KCNIP4: variants seen among roughly 807,000 people sequenced by gnomAD.
KCNIP4 encodes potassium voltage-gated channel interacting protein 4.
A neutral mutation model predicts 34.0 loss-of-function variants in KCNIP4; 12 were observed. The observed-to-expected ratio is 0.35, with a 90% CI of 0.23 to 0.57. The LOEUF is 0.57. Among genes scored for constraint, KCNIP4 ranks in the 20% least tolerant of loss-of-function variants. KCNIP4 has a pLI of 0.83. For missense variants in KCNIP4, 238 were observed against 311.7 expected, an observed-to-expected ratio of 0.76 and a Z score of 1.78; for synonymous variants, 124 against 102.2, an observed-to-expected ratio of 1.21 and a Z score of -1.29.
rs28765098 is a variant in KCNIP4 at position 21,200,365 on chromosome 4, T to C, written c.62-317656A>G. Among the ~76,000 whole-genome samples the C allele has an allele frequency of 1.5e-4, 14 of 95,178 alleles. 1 individual carries two copies. Among genetic ancestry groups the C allele is most frequent in the African/African-American group, 5.2e-4 (5 of 9,642 alleles). 62.4% of individuals were successfully genotyped at this position (95,178 alleles called of 152,430 possible). A position where few individuals can be genotyped will look rare whatever the true frequency, so the allele number is the denominator to read the frequency against. On this transcript the variant is annotated intron_variant, in intron 1 of 8. Transcript: ENST00000382152. The stretch of plus-strand genomic sequence containing the variant: ...ATACATATATGTGTGTATATATATA[T>C]ACATACATATATGTGTGTATATATA...
intron 1 of KCNIP4, among the ~76,000 whole-genome samples, chr4:20,982,593 G>A (rs560267084): frequency 2.0e-5 from 3 of 152,280 alleles, no homozygotes; most frequent in South Asian, 4.1e-4. Context: ...AAGAAGATAC[G>A]AAGATTACAA....
chr4:21,543,137 T>C (rs1577566212), intron 1 of KCNIP4, among the ~76,000 whole-genome samples: 2 of 152,074 alleles, frequency 1.3e-5, no homozygotes, highest in South Asian at 2.1e-4. Flanking sequence ...AGCTTTCCTA[T>C]TGACAATAAA....
At chr4:21,083,132 C>T (rs529842128) in intron 1 of KCNIP4, among the ~76,000 whole-genome samples, 1 of 151,846 alleles carries the variant, frequency 6.6e-6, no homozygotes, top group Non-Finnish European at 1.5e-5. Context: ...CTTCTTTTGT[C>T]TCTGTTTCTT....
chr4:21,743,652 A>T (rs1716575967), intron 1 of KCNIP4, among the ~76,000 whole-genome samples: 1 of 150,596 alleles, frequency 6.6e-6, no homozygotes, highest in Admixed American at 6.7e-5. Flanking sequence ...TTGTAGGGGG[A>T]GGGGGGAGAT....
At chr4:21,424,465 A>G (rs1461148733) in intron 1 of KCNIP4, among the ~76,000 whole-genome samples, 5 of 151,970 alleles carry the variant, frequency 3.3e-5, no homozygotes, top group Admixed American at 2.6e-4. Context: ...CCAGCTACTC[A>G]GGAGACTGAG....
intron 1 of KCNIP4, among the ~76,000 whole-genome samples, chr4:21,909,404 T>C (rs909300884): frequency 6.6e-6 from 1 of 152,066 alleles, no homozygotes; most frequent in Non-Finnish European, 1.5e-5. Flanking sequence ...TCACCTTGTC[T>C]TACACATCAC....
At chr4:21,033,591 T>C (rs1309777285) in intron 1 of KCNIP4, among the ~76,000 whole-genome samples, 1 of 152,094 alleles carries the variant, frequency 6.6e-6, no homozygotes, top group Non-Finnish European at 1.5e-5. Context: ...GTGAAAACCA[T>C]GAAAGTATGA....
chr4:21,099,356 G>T (rs1487490008), intron 1 of KCNIP4, among the ~76,000 whole-genome samples: 1 of 152,124 alleles, frequency 6.6e-6, no homozygotes, highest in Non-Finnish European at 1.5e-5. Context: ...GCAAACTAAT[G>T]CAGGAACAGA....
Position 20,905,509 on chromosome 4 carries a change from C to CTTTTTTTTTTTTTTTTTTTT in KCNIP4, c.62-22801_62-22800insAAAAAAAAAAAAAAAAAAAA, listed in dbSNP as rs10686415. ...ACACAGGTAGTTGAACGTTTTCTTTCTTTTTTTTTTTTTTTTGTTTGAGAT... is the reference window on the plus strand; with the variant it reads ...ACACAGGTAGTTGAACGTTTTCTTTCTTTTTTTTTTTTTTTTTTTTTTTTTTTTTTTTTTTTGTTTGAGAT... On this transcript the variant is annotated intron_variant, in intron 1 of 8. Transcript: ENST00000382152. Among the ~76,000 whole-genome samples, 113 of 72,782 alleles carry CTTTTTTTTTTTTTTTTTTTT rather than the reference C, an allele frequency of 1.6e-3. 7 individuals carry two copies. Among genetic ancestry groups the CTTTTTTTTTTTTTTTTTTTT allele is most frequent in the Non-Finnish European group, 1.7e-3 (63 of 36,462 alleles). The allele number at this position is 72,782 out of a possible 152,430, so 47.7% of individuals were successfully genotyped here.
chr4:21,664,905 A>G (rs1001894042), intron 1 of KCNIP4, among the ~76,000 whole-genome samples: 1 of 152,180 alleles, frequency 6.6e-6, no homozygotes, highest in Non-Finnish European at 1.5e-5. Flanking sequence ...TTGTTGTGAC[A>G]TGATTTGGTA....
At chr4:21,802,584 C>T (rs1299365351) in intron 1 of KCNIP4, among the ~76,000 whole-genome samples, 1 of 152,128 alleles carries the variant, frequency 6.6e-6, no homozygotes, top group Non-Finnish European at 1.5e-5. Context: ...CATCAGGTTT[C>T]CTGACTCCTG....
intron 1 of KCNIP4, among the ~76,000 whole-genome samples, chr4:21,043,480 C>T (rs1742138297): frequency 6.6e-6 from 1 of 151,532 alleles, no homozygotes; most frequent in Non-Finnish European, 1.5e-5. Context: ...CAGGAGTGCA[C>T]CACCATGCCC....
intron 1 of KCNIP4, among the ~76,000 whole-genome samples, chr4:20,979,201 A>G (rs1735792081): frequency 6.6e-6 from 1 of 151,824 alleles, no homozygotes; most frequent in Non-Finnish European, 1.5e-5. Context: ...AGTTGCTCTG[A>G]AATAAAGTAT....
In KCNIP4 at chr4:21,727,580, G is replaced by A. The variant is rs555503436; in HGVS notation, c.61+220991C>T. On this transcript the variant is annotated intron_variant, in intron 1 of 8. Coordinates refer to ENST00000382152, the MANE Select transcript of KCNIP4 (RefSeq NM_025221.6). ...GTGGTGGCTCATGTCTGTAATCCTA[G>A]CACTGTGGGAGGCCGAGGTGGGTAG... 3.9e-5 allele frequency among the ~76,000 whole-genome samples: 6 copies of A among 152,222 alleles called. No individual in the cohort carries two copies. In the South Asian group the frequency reaches 1.2e-3, roughly 32 times the overall value.
chr4:21,045,592 C>T (rs750839001), intron 1 of KCNIP4, among the ~76,000 whole-genome samples: 1 of 152,134 alleles, frequency 6.6e-6, no homozygotes, highest in Non-Finnish European at 1.5e-5. Flanking sequence ...TGCTACTTTC[C>T]TCTTGATCCC....
chr4:20,951,911 T>A (rs538988020), intron 1 of KCNIP4, among the ~76,000 whole-genome samples: 1 of 152,208 alleles, frequency 6.6e-6, no homozygotes, highest in African/African-American at 2.4e-5. Context: ...TTGTTTTAGA[T>A]ATAAAGTAAA....
chr4:21,779,250 T>C (rs1426292757), intron 1 of KCNIP4, among the ~76,000 whole-genome samples: 1 of 152,170 alleles, frequency 6.6e-6, no homozygotes, highest in Admixed American at 6.6e-5. Context: ...GTATAATATA[T>C]ATTCAGGGTC....
intron 1 of KCNIP4, among the ~76,000 whole-genome samples, chr4:20,953,621 G>A (rs770542894): frequency 6.6e-6 from 1 of 152,264 alleles, no homozygotes; most frequent in East Asian, 1.9e-4. Context: ...GGCAGAAGTT[G>A]CAGGGAGCTG....
chr4:21,481,688 C>T (rs1199718780), intron 1 of KCNIP4, among the ~76,000 whole-genome samples: 3 of 151,998 alleles, frequency 2.0e-5, no homozygotes, highest in South Asian at 2.1e-4. Context: ...CAGCCTACTG[C>T]GAAGAAGGGA....
Sources: gnomAD v4.1 joint callset for allele counts (sites outside exome capture counted in the v4.1 genomes callset) on GRCh38, gnomAD v4.1.1 for gene constraint, MANE v1.5 for transcripts, NCBI Gene and HGNC (gene_info 2026-07-23, HGNC 2026-07-21) for gene names.